UBE2D4: variants seen among roughly 807,000 people sequenced by gnomAD.
UBE2D4 encodes ubiquitin-conjugating enzyme E2 D4.
In UBE2D4, 17 loss-of-function variants were observed where a neutral mutation model predicts 23.0. The observed-to-expected ratio is 0.74, with a 90% confidence interval of 0.51 to 1.11. The LOEUF (loss-of-function observed/expected upper bound fraction) is 1.11, where lower values mean the gene tolerates loss of function less well. UBE2D4 is among the 50% of genes least tolerant of loss of function. The probability of loss-of-function intolerance (pLI) is 0.00; values close to 1 mark genes in which losing one functional copy is unlikely to be tolerated. For missense variants in UBE2D4, 139 were observed against 181.8 expected (o/e 0.76, Z 1.35); for synonymous variants, 61 against 69.4 (o/e 0.88, Z 0.60).
At position 43,954,239 on chromosome 7, in the gene UBE2D4, C is replaced by T. The variant is rs912083909; in HGVS notation, c.*1544C>T. On this transcript the variant is annotated 3_prime_UTR_variant, in exon 7 of 7. Coordinates refer to ENST00000222402, the MANE Select transcript of UBE2D4 (RefSeq NM_015983.4). Reference sequence around the variant, plus strand: ...GGGTTCTTTGGGTGTGGCTGCATCTCACCATGTTGAGGATTGCCTTTTTTT... The same window carrying T: ...GGGTTCTTTGGGTGTGGCTGCATCTTACCATGTTGAGGATTGCCTTTTTTT... 2.7e-5 allele frequency: 4 copies of T among 147,138 alleles called. No homozygotes were observed. In the East Asian group the frequency reaches 8.0e-4, roughly 30 times the overall value. 9.1% of individuals were successfully genotyped at this position (147,138 alleles called of 1,614,324 possible).
intron 4 of UBE2D4, among the ~76,000 whole-genome samples, chr7:43,946,845 T>C (rs1417173359): frequency 1.3e-5 from 2 of 151,924 alleles, no homozygotes; most frequent in African/African-American, 4.8e-5. Flanking sequence ...GTTTGTGGCC[T>C]GGCAGAGGGT....
At chr7:43,939,994 G>C (rs2095967617) in intron 2 of UBE2D4, among the ~76,000 whole-genome samples, 1 of 152,160 alleles carries the variant, frequency 6.6e-6, no homozygotes, top group African/African-American at 2.4e-5. Flanking sequence ...ACACTTTAAA[G>C]TTGTTTAAAT....
At position 43,955,102 on chromosome 7, in the gene UBE2D4, G is replaced by A. The variant is rs2096010747; in HGVS notation, c.*2407G>A. 6.6e-6 allele frequency: 1 copy of A among 152,196 alleles called. No homozygotes were observed. The highest frequency in any genetic ancestry group is 2.1e-4 in the South Asian group (1 of 4,838). The allele number at this position is 152,196 out of a possible 1,614,324, so 9.4% of individuals were successfully genotyped here. A position where few individuals can be genotyped will look rare whatever the true frequency, so the allele number is the denominator to read the frequency against. ...CTCAGCAAATCCCCTGGGCAGAAAT[G>A]TCACCTGCTTGCCATGTCTTTGAGG... On this transcript the variant is annotated 3_prime_UTR_variant, in exon 7 of 7. Transcript: ENST00000222402.
chr7:43,929,036 T>A (rs977558690), intron 1 of UBE2D4, among the ~76,000 whole-genome samples: 6 of 152,268 alleles, frequency 3.9e-5, no homozygotes, highest in African/African-American at 1.4e-4. Context: ...CTCATGCCTA[T>A]ATCCCAGCAC....
At chr7:43,930,454 A>C (rs1194459699) in intron 1 of UBE2D4, among the ~76,000 whole-genome samples, 2 of 152,098 alleles carry the variant, frequency 1.3e-5, no homozygotes, top group African/African-American at 2.4e-5. Context: ...TTAGTTAGTT[A>C]GTTAGTTAGT....
chr7:43,926,492 A>G lies in UBE2D4; in HGVS notation c.-41A>G. 1 of 1,473,954 alleles carries G rather than the reference A, an allele frequency of 6.8e-7. No individual in the cohort carries two copies. Among genetic ancestry groups the G allele is most frequent in the South Asian group, 1.3e-5 (1 of 76,276 alleles). 91.3% of individuals were successfully genotyped at this position (1,473,954 alleles called of 1,614,324 possible). On this transcript the variant is annotated 5_prime_UTR_variant, in exon 1 of 7. Coordinates refer to ENST00000222402, the MANE Select transcript of UBE2D4 (RefSeq NM_015983.4). Reference sequence around the variant, plus strand: ...GAGCCGGCAGCGGGCCGCCTCAGGCAGCCCCGGCCGGGCCGCCCGGGTCCC... The same window carrying G: ...GAGCCGGCAGCGGGCCGCCTCAGGCGGCCCCGGCCGGGCCGCCCGGGTCCC...
intron 1 of UBE2D4, among the ~76,000 whole-genome samples, chr7:43,927,729 C>T (rs2095935861): frequency 6.6e-6 from 1 of 152,144 alleles, no homozygotes; most frequent in African/African-American, 2.4e-5. Context: ...AATGTGAGGT[C>T]ACTTATAGTG....
chr7:43,942,690 C>A (rs2095975814), intron 2 of UBE2D4, 136 bp from the exon 3 acceptor site: 13 of 1,285,628 alleles, frequency 1.0e-5, no homozygotes, highest in African/African-American at 1.5e-5. Flanking sequence ...GTTTGGGGAA[C>A]CCCAGTCTTG....
intron 1 of UBE2D4, among the ~76,000 whole-genome samples, chr7:43,934,453 CTTT>C (rs36122809): frequency 1.4e-5 from 2 of 142,230 alleles, no homozygotes; most frequent in Non-Finnish European, 1.5e-5. Flanking sequence ...CTTGTTTTTC[CTTT>C]TTTTTTTTTT....
At chr7:43,926,591 T>C (rs1259718410) in intron 1 of UBE2D4, 35 bp downstream of exon 1, 2 of 1,551,664 alleles carry the variant, frequency 1.3e-6, no homozygotes, top group Middle Eastern at 1.7e-4. Context: ...TCTTTGGGTG[T>C]CCGAAGCGTC....
rs766347306 is a variant in UBE2D4 at position 43,950,701 on chromosome 7, C to A, written c.398+9C>A. 4 of 1,612,064 alleles carry A rather than the reference C, an allele frequency of 2.5e-6. No individual in the cohort carries two copies. In the South Asian group the frequency reaches 4.4e-5, roughly 18 times the overall value. ...AAGGCCGACAGAGAGAAGTACGTGT[C>A]CTCTTTGGGTTGCCTTTGCACCATG... On this transcript the variant is annotated intron_variant, in intron 6 of 6. Transcript: ENST00000222402.
chr7:43,943,773 C>G (rs2095979005), intron 4 of UBE2D4: 1 of 152,778 alleles, frequency 6.5e-6, no homozygotes, highest in Non-Finnish European at 1.5e-5. Flanking sequence ...GGTCGTCTCA[C>G]TCCCTGGACC....
At chr7:43,936,828 G>A (rs1357794210) in intron 1 of UBE2D4, among the ~76,000 whole-genome samples, 1 of 152,146 alleles carries the variant, frequency 6.6e-6, no homozygotes, top group African/African-American at 2.4e-5. Flanking sequence ...AACTTAACAG[G>A]TAATTACACT....
At chr7:43,942,596 G>C in intron 2 of UBE2D4, 2 of 620,334 alleles carry the variant, frequency 3.2e-6, no homozygotes, top group Non-Finnish European at 2.9e-6. Flanking sequence ...AACCTATGTT[G>C]TTTCCCTGTG....
At chr7:43,928,144 T>C in intron 1 of UBE2D4, 1 of 411,978 alleles carries the variant, frequency 2.4e-6, no homozygotes, top group Non-Finnish European at 4.8e-6. Context: ...TGCCACCTCT[T>C]TTAAACACCC....
intron 6 of UBE2D4, 86 bp from the exon 7 acceptor site, chr7:43,952,564 C>A: frequency 8.3e-7 from 1 of 1,198,946 alleles, no homozygotes; most frequent in Admixed American, 1.7e-5. Context: ...GCAGCATTCC[C>A]CACATCAGTC....
rs2096006496 is a variant in UBE2D4 at position 43,953,046 on chromosome 7, T to C, written c.*351T>C. On this transcript the variant is annotated 3_prime_UTR_variant, in exon 7 of 7. Coordinates refer to ENST00000222402, the MANE Select transcript of UBE2D4 (RefSeq NM_015983.4). ...CGGCCTCAAATGGTGCTGCTGCCCATGATGGTACCACACCAGGGCCTCAGC... is the reference window on the plus strand; with the variant it reads ...CGGCCTCAAATGGTGCTGCTGCCCACGATGGTACCACACCAGGGCCTCAGC... 1 of 434,288 alleles carries C rather than the reference T, an allele frequency of 2.3e-6. No homozygotes were observed. The highest frequency in any genetic ancestry group is 4.6e-6 in the Non-Finnish European group (1 of 216,930). 26.9% of individuals were successfully genotyped at this position (434,288 alleles called of 1,614,324 possible).
chr7:43,952,682 A>G lies in UBE2D4; in HGVS notation c.431A>G (p.Lys144Arg). The G allele has an allele frequency of 6.2e-7, 1 of 1,613,852 alleles. No homozygotes were observed. The highest frequency in any genetic ancestry group is 8.5e-7 in the Non-Finnish European group (1 of 1,179,768). The part of the protein sequence containing the change: ...YNRLAREWTQ[K>R]YAM The stretch of plus-strand genomic sequence containing the variant: ...AGACTAGCAAGAGAGTGGACACAAA[A>G]ATATGCTATGTAAGTGCCTTGGAGG... Residue 144 changes from lysine to arginine, a missense_variant, in exon 7 of 7, where the codon AAA (lysine) becomes AGA (arginine). Lys to Arg is a conservative substitution (Grantham distance 26). Coordinates refer to ENST00000222402, the MANE Select transcript of UBE2D4 (RefSeq NM_015983.4).
chr7:43,935,951 C>T (rs1261342590), intron 1 of UBE2D4, among the ~76,000 whole-genome samples: 1 of 152,168 alleles, frequency 6.6e-6, no homozygotes, highest in Non-Finnish European at 1.5e-5. Flanking sequence ...GATGCTCTGC[C>T]CTGCCCATGG....
Sources: allele counts gnomAD v4.1 joint callset (sites outside exome capture counted in the v4.1 genomes callset), GRCh38; gene constraint gnomAD v4.1.1; transcripts MANE v1.5; gene names NCBI Gene and HGNC (gene_info 2026-07-23, HGNC 2026-07-21).